Variants in MARCHF1 observed in about 807,000 individuals in gnomAD.
MARCHF1 encodes E3 ubiquitin-protein ligase MARCHF1.
MARCHF1 carries 40 observed loss-of-function variants against 54.2 expected under a neutral mutation model. The ratio of observed to expected loss-of-function variants is 0.74; its 90% confidence interval spans 0.57 to 0.96. The LOEUF (loss-of-function observed/expected upper bound fraction) is 0.96. MARCHF1 is among the 40% of genes least tolerant of loss of function. The pLI is 0.00. For missense variants in MARCHF1, 586 were observed against 656.5 expected (o/e 0.89, Z 1.17); for synonymous variants, 236 against 236.3 (o/e 1.00, Z 0.01).
chr4:163,803,506 A>T (rs762303159), intron 4 of MARCHF1, among the ~76,000 whole-genome samples: 38 of 149,284 alleles, frequency 2.5e-4, no homozygotes, highest in Middle Eastern at 6.8e-3. Context: ...CTCATTCACC[A>T]TCCTGAATCC....
intron 4 of MARCHF1, among the ~76,000 whole-genome samples, chr4:163,853,103 A>G (rs943172298): frequency 1.5e-4 from 23 of 152,298 alleles, no homozygotes; most frequent in African/African-American, 5.5e-4. Flanking sequence ...TTTGTTTTTT[A>G]TAAGTTACCA....
intron 3 of MARCHF1, among the ~76,000 whole-genome samples, chr4:163,966,431 T>C (rs1168124300): frequency 6.6e-6 from 1 of 152,078 alleles, no homozygotes; most frequent in African/African-American, 2.4e-5. Context: ...AAAGTAATTC[T>C]AACATCAGTA....
chr4:163,844,391 A>C (rs1749427667), intron 4 of MARCHF1, among the ~76,000 whole-genome samples: 1 of 152,068 alleles, frequency 6.6e-6, no homozygotes, highest in South Asian at 2.1e-4. Flanking sequence ...TATTCTGTTG[A>C]TAGTTTCTTT....
rs17044470 is a variant in MARCHF1, at chr4:164,086,905, A to G, written c.-248+24683T>C. ...ATTATAACAATAATTTCAAAAAGAC[A>G]GACAATAAAATCAAATAAAAACTAA... On this transcript the variant is annotated intron_variant, in intron 2 of 9. Transcript: ENST00000514618. Among the ~76,000 whole-genome samples the G allele has an allele frequency of 2.1e-3, 316 of 152,262 alleles. 1 individual carries two copies. The highest frequency in any genetic ancestry group is 7.4e-3 in the African/African-American group (309 of 41,590).
At chr4:164,362,758 T>C (rs1277814117) in intron 1 of MARCHF1, among the ~76,000 whole-genome samples, 1 of 152,180 alleles carries the variant, frequency 6.6e-6, no homozygotes, top group South Asian at 2.1e-4. Context: ...AAACATAAAT[T>C]TTTGCCATGG....
chr4:163,750,399 T>C (rs1746486088), intron 4 of MARCHF1, among the ~76,000 whole-genome samples: 1 of 151,474 alleles, frequency 6.6e-6, no homozygotes, highest in Admixed American at 6.6e-5. Flanking sequence ...TAGTCCCAGC[T>C]ACTCAGGAGG....
chr4:164,051,549 A>G (rs1754365314), intron 2 of MARCHF1, among the ~76,000 whole-genome samples: 1 of 152,200 alleles, frequency 6.6e-6, no homozygotes, highest in African/African-American at 2.4e-5. Context: ...AACATTTTGC[A>G]TGTTAACAAC....
chr4:164,203,472 C>A (rs1731512948), intron 1 of MARCHF1, among the ~76,000 whole-genome samples: 3 of 152,118 alleles, frequency 2.0e-5, no homozygotes, highest in Admixed American at 2.0e-4. Flanking sequence ...TGGTCTTGTT[C>A]CTTCTTACTC....
At chr4:163,862,541 A>C (rs981966443) in intron 3 of MARCHF1, among the ~76,000 whole-genome samples, 4 of 152,110 alleles carry the variant, frequency 2.6e-5, no homozygotes, top group African/African-American at 9.6e-5. Context: ...AAAATGCAAC[A>C]AATTGATAAT....
At chr4:163,591,006 A>G (rs990738414) in intron 7 of MARCHF1, among the ~76,000 whole-genome samples, 4 of 151,756 alleles carry the variant, frequency 2.6e-5, no homozygotes, top group Admixed American at 2.6e-4. Context: ...GACTATTAGG[A>G]AGAATTAAAG....
intron 7 of MARCHF1, among the ~76,000 whole-genome samples, chr4:163,605,071 ATAGT>A (rs2110901287): frequency 6.6e-6 from 1 of 152,282 alleles, no homozygotes; most frequent in South Asian, 2.1e-4. Context: ...TCAAAAATAA[ATAGT>A]TATTTTCTAT....
At chr4:164,021,332 T>C (rs889915575) in intron 2 of MARCHF1, among the ~76,000 whole-genome samples, 8 of 152,156 alleles carry the variant, frequency 5.3e-5, no homozygotes, top group Admixed American at 2.6e-4. Context: ...GTAATATCAT[T>C]TAATTCTCTT....
At chr4:164,174,001 C>T (rs996119563) in intron 1 of MARCHF1, among the ~76,000 whole-genome samples, 11 of 152,170 alleles carry the variant, frequency 7.2e-5, no homozygotes, top group African/African-American at 2.7e-4. Flanking sequence ...AAGGTAATTA[C>T]TCTGTAGAAA....
intron 2 of MARCHF1, among the ~76,000 whole-genome samples, chr4:164,034,363 G>A (rs1171611537): frequency 2.6e-5 from 4 of 152,234 alleles, no homozygotes; most frequent in South Asian, 4.1e-4. Context: ...ATGCTTACAC[G>A]CAGTTGGTGG....
At chr4:163,928,753 G>T (rs1751591899) in intron 3 of MARCHF1, among the ~76,000 whole-genome samples, 1 of 151,904 alleles carries the variant, frequency 6.6e-6, no homozygotes, top group Admixed American at 6.6e-5. Context: ...AGGAAAATTG[G>T]ACATGCTGAG....
chr4:164,297,693 C>A (rs555565484), intron 1 of MARCHF1, among the ~76,000 whole-genome samples: 37 of 152,134 alleles, frequency 2.4e-4, no homozygotes, highest in Non-Finnish European at 3.4e-4. Flanking sequence ...AGTAGTAATG[C>A]AGCAAGAATT....
intron 8 of MARCHF1, among the ~76,000 whole-genome samples, chr4:163,546,977 C>T (rs1046209813): frequency 7.2e-5 from 11 of 152,122 alleles, no homozygotes; most frequent in Non-Finnish European, 1.0e-4. Flanking sequence ...TTTTATTAGA[C>T]GTGAACTGAC....
intron 4 of MARCHF1, among the ~76,000 whole-genome samples, chr4:163,809,448 C>T (rs950514532): frequency 1.3e-5 from 2 of 152,102 alleles, no homozygotes; most frequent in Admixed American, 1.3e-4. Context: ...GTCATAAATA[C>T]CATTTCTGCC....
chr4:164,069,982 G>A (rs942944540), intron 2 of MARCHF1, among the ~76,000 whole-genome samples: 1 of 152,184 alleles, frequency 6.6e-6, no homozygotes, highest in Admixed American at 6.5e-5. Context: ...GATAGAGCTT[G>A]AGACTGTAGC....
Sources: gnomAD v4.1 joint callset for allele counts (sites outside exome capture counted in the v4.1 genomes callset) on GRCh38, gnomAD v4.1.1 for gene constraint, MANE v1.5 for transcripts, NCBI Gene and HGNC (gene_info 2026-07-23, HGNC 2026-07-21) for gene names.